UBA3: variants seen among roughly 807,000 people sequenced by gnomAD.
The protein encoded by UBA3 is ubiquitin like modifier activating enzyme 3.
UBA3 carries 26 observed loss-of-function variants against 73.5 expected under a neutral mutation model. The observed-to-expected ratio is 0.35, with a 90% CI of 0.26 to 0.49. The LOEUF (loss-of-function observed/expected upper bound fraction) is 0.49, where lower values mean the gene tolerates loss of function less well. Among genes scored for constraint, UBA3 ranks in the 20% least tolerant of loss-of-function variants. The pLI, the probability that UBA3 is intolerant of heterozygous loss-of-function variation, is 0.98. For synonymous variants in UBA3, 217 were observed against 191.2 expected (o/e 1.13, Z -1.11); for missense variants, 495 against 555.6 (o/e 0.89, Z 1.10).
chr3:69,074,208 A>G lies in UBA3; in HGVS notation c.264+1222T>C, dbSNP rs17005324. Among the ~76,000 whole-genome samples, 409 of 152,318 alleles carry G rather than the reference A, an allele frequency of 2.7e-3. 2 individuals are homozygous for G. The highest frequency in any genetic ancestry group is 0.02 in the Middle Eastern group (6 of 294). ...ATTTAATAAGCTTTAGGAAACTTGT[A>G]CATTTATAATACCTAACAAAAACCA... On this transcript the variant is annotated intron_variant, in intron 4 of 17. Coordinates refer to ENST00000361055, the MANE Select transcript of UBA3 (RefSeq NM_003968.4).
chr3:69,072,835 A>G (rs1691058911), intron 4 of UBA3, among the ~76,000 whole-genome samples: 1 of 152,168 alleles, frequency 6.6e-6, no homozygotes, highest in African/African-American at 2.4e-5. Context: ...CAGTAACTCC[A>G]TCTTTCCAGG....
chr3:69,067,593 AGATT>A (rs1283424108), intron 6 of UBA3, among the ~76,000 whole-genome samples: 2 of 152,204 alleles, frequency 1.3e-5, no homozygotes, highest in South Asian at 2.1e-4. Context: ...AAAGAAACAA[AGATT>A]AATTGGATCC....
intron 6 of UBA3, among the ~76,000 whole-genome samples, chr3:69,067,336 T>C (rs2092081202): frequency 6.6e-6 from 1 of 152,212 alleles, no homozygotes; most frequent in Non-Finnish European, 1.5e-5. Flanking sequence ...CAGTTGTAAA[T>C]GGCATTGTAT....
intron 6 of UBA3, among the ~76,000 whole-genome samples, chr3:69,066,019 C>A (rs2092068187): frequency 6.6e-6 from 1 of 152,084 alleles, no homozygotes; most frequent in South Asian, 2.1e-4. Context: ...AGTCCTCCAT[C>A]AGATGCTTTA....
chr3:69,073,886 G>T (rs575776118), intron 4 of UBA3, among the ~76,000 whole-genome samples: 2 of 146,672 alleles, frequency 1.4e-5, no homozygotes, highest in Non-Finnish European at 3.1e-5. Context: ...CTTGTGATCC[G>T]CCTGCCTCGG....
chr3:69,072,058 T>C (rs2092125830), intron 4 of UBA3, among the ~76,000 whole-genome samples: 1 of 152,206 alleles, frequency 6.6e-6, no homozygotes. Flanking sequence ...GTAACTATTA[T>C]AAGACATATA....
intron 12 of UBA3, 73 bp downstream of exon 12, chr3:69,057,183 C>T: frequency 6.8e-7 from 1 of 1,463,644 alleles, no homozygotes; most frequent in Non-Finnish European, 9.5e-7. Flanking sequence ...ATTCCTACAA[C>T]ACAAAAAAGC....
At chr3:69,073,968 A>G (rs911192102) in intron 4 of UBA3, among the ~76,000 whole-genome samples, 1 of 152,102 alleles carries the variant, frequency 6.6e-6, no homozygotes, top group Non-Finnish European at 1.5e-5. Flanking sequence ...TTTTGTTAGA[A>G]TGAGCCTTTA....
chr3:69,075,394 GA>G, intron 4 of UBA3, 35 bp downstream of exon 4: 1 of 1,067,130 alleles, frequency 9.4e-7, no homozygotes, highest in Non-Finnish European at 1.2e-6. Context: ...TCACAAAGAA[GA>G]AAAAAATATT....
Position 69,071,617 on chromosome 3 carries a change from C to T in UBA3, c.265G>A (p.Ala89Thr). Residue 89 changes from alanine (A) to threonine (T), a missense_variant and splice_region_variant, in exon 5 of 18, where the codon GCC becomes ACC. Ala to Thr is a moderately conservative substitution (Grantham distance 58). Coordinates refer to ENST00000361055, the MANE Select transcript of UBA3 (RefSeq NM_003968.4). ...TGAATCTGTCTAAAACCAGACAAGG[C>T]CTGTGGGAATAAAAACAATCCAATT... ...GLGCELLKNL[A>T]LSGFRQIHVI... is the part of the protein sequence containing the mutation. 1.3e-6 allele frequency: 2 copies of T among 1,532,668 alleles called. No homozygotes were observed. The highest frequency in any genetic ancestry group is 1.7e-6 in the Non-Finnish European group (2 of 1,148,522). 94.9% of individuals were successfully genotyped at this position (1,532,668 alleles called of 1,614,324 possible). A position where few individuals can be genotyped will look rare whatever the true frequency, so the allele number is the denominator to read the frequency against.
intron 1 of UBA3, 34 bp downstream of exon 1, chr3:69,080,300 C>G: frequency 6.9e-6 from 11 of 1,603,430 alleles, no homozygotes; most frequent in South Asian, 2.2e-5. Flanking sequence ...CAACCCAGCC[C>G]AGCCCGGCGC....
intron 2 of UBA3, among the ~76,000 whole-genome samples, chr3:69,078,527 G>A (rs754326144): frequency 6.6e-5 from 10 of 152,076 alleles, no homozygotes; most frequent in Admixed American, 1.3e-4. Flanking sequence ...AGGCTGGAGT[G>A]CAGTGGTGTG....
At chr3:69,067,373 G>A (rs1022187660) in intron 6 of UBA3, among the ~76,000 whole-genome samples, 50 of 151,926 alleles carry the variant, frequency 3.3e-4, no homozygotes, top group African/African-American at 1.1e-3. Flanking sequence ...CAAGTTCACC[G>A]GTATGTTGAT....
chr3:69,071,211 A>C (rs1315183006), intron 5 of UBA3: 2 of 215,720 alleles, frequency 9.3e-6, no homozygotes, highest in Non-Finnish European at 1.8e-5. Flanking sequence ...CTCTTCTGAC[A>C]TCAACTGGAG....
intron 5 of UBA3, among the ~76,000 whole-genome samples, chr3:69,069,397 G>A (rs958767122): frequency 8.6e-5 from 13 of 151,880 alleles, no homozygotes; most frequent in African/African-American, 2.2e-4. Context: ...GCACAATCTC[G>A]GCTCACTATA....
At chr3:69,072,927 C>T (rs1435955075) in intron 4 of UBA3, among the ~76,000 whole-genome samples, 1 of 152,198 alleles carries the variant, frequency 6.6e-6, no homozygotes. Context: ...ATCAGCTAAT[C>T]CTGTTGATTC....
rs74654177 is a variant in UBA3 at position 69,077,910 on chromosome 3, A to G, written c.71T>C (p.Val24Ala). The G allele has an allele frequency of 1.1e-5, 17 of 1,613,930 alleles. No homozygotes were observed. Among genetic ancestry groups the G allele is most frequent in the Non-Finnish European group, 1.4e-5 (17 of 1,180,014 alleles). ...IEELLAEKMAVDGGCGDTGDW... is the reference protein window; with the variant it reads ...IEELLAEKMAADGGCGDTGDW... ...TCCAGTGTCCCCACACCCACCATCA[A>G]CAGCCATTCTGCACAGAACACAGTA... The change falls in exon 3 of 18, where the codon GTT (valine) becomes GCT (alanine). Residue 24 changes from valine (V) to alanine (A), a missense_variant. Val to Ala is a moderately conservative substitution (Grantham distance 64, BLOSUM62 0). Transcript: ENST00000361055.
chr3:69,080,008 T>TC, intron 2 of UBA3, 104 bp downstream of exon 2: 1 of 1,085,252 alleles, frequency 9.2e-7, no homozygotes, highest in Non-Finnish European at 1.3e-6. Context: ...GCTCCGGGTG[T>TC]CCCCCTCCCA....
Position 69,071,611 on chromosome 3 carries a change from A to T in UBA3, c.271T>A (p.Ser91Thr). 6.5e-7 allele frequency: 1 copy of T among 1,548,560 alleles called. No individual in the cohort carries two copies. Among genetic ancestry groups the T allele is most frequent in the Non-Finnish European group, 8.6e-7 (1 of 1,157,312 alleles). Residue 91 changes from serine (S) to threonine (T), a missense_variant, in exon 5 of 18, where the codon TCT (serine) becomes ACT (threonine). Physicochemically the swap from Ser to Thr is moderately conservative, Grantham distance 58. Coordinates refer to ENST00000361055, the MANE Select transcript of UBA3 (RefSeq NM_003968.4). The part of the protein sequence containing the change: ...GCELLKNLAL[S>T]GFRQIHVIDM... Reference sequence around the variant, plus strand: ...ATAACATGAATCTGTCTAAAACCAGACAAGGCCTGTGGGAATAAAAACAAT... The same window carrying T: ...ATAACATGAATCTGTCTAAAACCAGTCAAGGCCTGTGGGAATAAAAACAAT...
Sources: gnomAD v4.1 joint callset for allele counts (sites outside exome capture counted in the v4.1 genomes callset) on GRCh38, gnomAD v4.1.1 for gene constraint, MANE v1.5 for transcripts, NCBI Gene and HGNC (gene_info 2026-07-23, HGNC 2026-07-21) for gene names.